Variants in ANKRD13B observed in about 807,000 individuals in gnomAD.
ANKRD13B encodes the protein ankyrin repeat domain-containing protein 13B.
In ANKRD13B, 33 loss-of-function variants were observed where a neutral mutation model predicts 74.4. The observed-to-expected ratio is 0.44, with a 90% CI of 0.34 to 0.59. The LOEUF is 0.59. Among genes scored for constraint, ANKRD13B ranks in the 20% least tolerant of loss-of-function variants. The pLI, the probability that ANKRD13B is intolerant of heterozygous loss-of-function variation, is 0.02. For synonymous variants in ANKRD13B, 341 were observed against 362.9 expected (o/e 0.94, Z 0.68); for missense variants, 676 against 877.9 (o/e 0.77, Z 2.91).
chr17:29,597,616 TAGCTAGAGGCCTCTGCTGAGGAGA>T (rs1423905034), intron 1 of ANKRD13B, among the ~76,000 whole-genome samples: 1 of 152,136 alleles, frequency 6.6e-6, no homozygotes, highest in African/African-American at 2.4e-5. Flanking sequence ...AGCAATTAAA[TAGCTAGAGGCCTCTGCTGAGGAGA>T]AGCTGGAGGC....
rs1218150428 is a variant in ANKRD13B at position 29,609,544 on chromosome 17, C to T, written c.822+123C>T. 8.4e-7 allele frequency: 1 copy of T among 1,195,062 alleles called. No homozygotes were observed. Among genetic ancestry groups the T allele is most frequent in the African/African-American group, 1.5e-5 (1 of 65,510 alleles). 74.0% of individuals were successfully genotyped at this position (1,195,062 alleles called of 1,614,324 possible). A position where few individuals can be genotyped will look rare whatever the true frequency, so the allele number is the denominator to read the frequency against. Reference sequence around the variant, plus strand: ...AGAAGCAATGCAGCGTGGTCAAGCACTTATATTTGGGTTCAAGGCACTTCT... The same window carrying T: ...AGAAGCAATGCAGCGTGGTCAAGCATTTATATTTGGGTTCAAGGCACTTCT... On this transcript the variant is annotated intron_variant, in intron 7 of 14. Coordinates refer to ENST00000394859, the MANE Select transcript of ANKRD13B (RefSeq NM_152345.5). This position sits in a 1 kb window ranked among gnomAD's most constrained non-coding sequence, Gnocchi z 4.0.
chr17:29,612,307 G>C lies in ANKRD13B; in HGVS notation c.1258+34G>C. 6.2e-7 allele frequency: 1 copy of C among 1,612,812 alleles called. No individual in the cohort carries two copies. Among genetic ancestry groups the C allele is most frequent in the Non-Finnish European group, 8.5e-7 (1 of 1,179,090 alleles). On this transcript the variant is annotated intron_variant, in intron 11 of 14. Transcript: ENST00000394859. This position sits in a 1 kb window ranked among gnomAD's most constrained non-coding sequence, Gnocchi z 6.1. Reference sequence around the variant, plus strand: ...GCACGGCCATTTCTCCTGAGCCCGTGGCGGGCCGACCGGGGTTTAGATGAG... The same window carrying C: ...GCACGGCCATTTCTCCTGAGCCCGTCGCGGGCCGACCGGGGTTTAGATGAG...
In ANKRD13B at chr17:29,612,619, C is replaced by T; in HGVS notation, c.1412-33C>T. 2 of 1,519,262 alleles carry T rather than the reference C, an allele frequency of 1.3e-6. No homozygotes were observed. Among genetic ancestry groups the T allele is most frequent in the East Asian group, 2.4e-5 (1 of 40,912 alleles). 94.1% of individuals were successfully genotyped at this position (1,519,262 alleles called of 1,614,324 possible). ...CCGGGGTGGGTGGGAGGGGCGCGCC[C>T]GGCCGTGCCTGACCCAGCCCCCGCG... On this transcript the variant is annotated intron_variant, in intron 12 of 14. Coordinates refer to ENST00000394859, the MANE Select transcript of ANKRD13B (RefSeq NM_152345.5). The surrounding 1 kb of genome is among the most constrained non-coding windows in gnomAD (Gnocchi z 6.1).
intron 1 of ANKRD13B, among the ~76,000 whole-genome samples, chr17:29,598,078 TC>T (rs1457582807): frequency 6.6e-6 from 1 of 151,796 alleles, no homozygotes; most frequent in East Asian, 1.9e-4. Flanking sequence ...CCTCTCCCAC[TC>T]CCGCTGCCGG....
intron 1 of ANKRD13B, among the ~76,000 whole-genome samples, chr17:29,600,161 C>T (rs1032319662): frequency 1.3e-5 from 2 of 152,196 alleles, no homozygotes; most frequent in African/African-American, 4.8e-5. Flanking sequence ...CAGGCGTGAG[C>T]CACTGCACCC....
At chr17:29,594,716 C>G (rs2033891881) in intron 1 of ANKRD13B, among the ~76,000 whole-genome samples, 1 of 152,198 alleles carries the variant, frequency 6.6e-6, no homozygotes, top group African/African-American at 2.4e-5. Flanking sequence ...GCTGAGAACC[C>G]CAGTTTTGGA....
chr17:29,605,935 G>C (rs529945472), intron 1 of ANKRD13B, among the ~76,000 whole-genome samples: 2 of 150,840 alleles, frequency 1.3e-5, no homozygotes, highest in African/African-American at 4.9e-5. Flanking sequence ...TTTTTGAGAC[G>C]GAGTTTTGCT....
chr17:29,605,973 C>T (rs575905163), intron 1 of ANKRD13B, among the ~76,000 whole-genome samples: 1 of 151,782 alleles, frequency 6.6e-6, no homozygotes, highest in African/African-American at 2.4e-5. Flanking sequence ...AGTGCAGTGG[C>T]ATGATCTCGG....
At chr17:29,606,728 TAAAAAAAAAAAAAAA>T (rs370548766) in intron 1 of ANKRD13B, among the ~76,000 whole-genome samples, 5 of 62,974 alleles carry the variant, frequency 7.9e-5, no homozygotes, top group Admixed American at 2.2e-4. Context: ...CTGTCTCAAG[TAAAAAAAAAAAAAAA>T]AAAAAAAAAA....
chr17:29,596,477 C>T (rs755304230), intron 1 of ANKRD13B, among the ~76,000 whole-genome samples: 2 of 152,220 alleles, frequency 1.3e-5, no homozygotes, highest in South Asian at 2.1e-4. Flanking sequence ...GTTCTGGAGT[C>T]GTGAGTTCCT....
intron 7 of ANKRD13B, 92 bp from the exon 8 acceptor site, chr17:29,610,593 C>T: frequency 1.7e-6 from 2 of 1,153,810 alleles, no homozygotes; most frequent in South Asian, 3.1e-5. Context: ...CTCCAGGACC[C>T]TTTGCTACAG....
chr17:29,600,899 G>C (rs1257026394), intron 1 of ANKRD13B, among the ~76,000 whole-genome samples: 1 of 148,692 alleles, frequency 6.7e-6, no homozygotes, highest in Admixed American at 6.7e-5. Flanking sequence ...CTTTATTCTT[G>C]TGGGTTTTAA....
In ANKRD13B at chr17:29,609,330, C is replaced by G. The variant is rs1184834094; in HGVS notation, c.756-25C>G. ...AGCCAGCCCGGTGGGGTGCCTGCCT[C>G]ACCTGGACCACTCTGCTTCCCCAGG... is the stretch of plus-strand genomic sequence containing the variant. On this transcript the variant is annotated intron_variant, in intron 6 of 14. Transcript: ENST00000394859. This position sits in a 1 kb window ranked among gnomAD's most constrained non-coding sequence, Gnocchi z 4.0. 1 of 1,613,406 alleles carries G rather than the reference C, an allele frequency of 6.2e-7. No individual in the cohort carries two copies. Among genetic ancestry groups the G allele is most frequent in the South Asian group, 1.1e-5 (1 of 91,046 alleles).
Position 29,613,035 on chromosome 17 carries a change from AGAACCCGCGGGGCCC to A in ANKRD13B, c.1652+73_1652+87del, listed in dbSNP as rs549661373. 612 of 1,538,494 alleles carry A rather than the reference AGAACCCGCGGGGCCC, an allele frequency of 4.0e-4. 9 individuals carry two copies. The East Asian group carries it at 0.015, about 37-fold the overall frequency. On this transcript the variant is annotated intron_variant, in intron 14 of 14. Coordinates refer to ENST00000394859, the MANE Select transcript of ANKRD13B (RefSeq NM_152345.5). ...CTCCCCTAAGCCAGGACACAGCCGGAGAACCCGCGGGGCCCTCGGCAGGGACCCTCCTGGTATCGG... is the reference window on the plus strand; with the variant it reads ...CTCCCCTAAGCCAGGACACAGCCGGATCGGCAGGGACCCTCCTGGTATCGG...
In ANKRD13B at chr17:29,608,785, C is replaced by G. The variant is rs912451654; in HGVS notation, c.422-66C>G. ...GCCACACGGATCCCAAACCCCATGCCCTGAGCTGGTCCAGGCCGTGTAGGC... is the reference window on the plus strand; with the variant it reads ...GCCACACGGATCCCAAACCCCATGCGCTGAGCTGGTCCAGGCCGTGTAGGC... On this transcript the variant is annotated intron_variant, in intron 4 of 14. Transcript: ENST00000394859. The surrounding 1 kb of genome is among the most constrained non-coding windows in gnomAD (Gnocchi z 6.4). 7.5e-6 allele frequency: 12 copies of G among 1,598,606 alleles called. No individual in the cohort carries two copies. The highest frequency in any genetic ancestry group is 9.4e-6 in the Non-Finnish European group (11 of 1,170,672).
intron 1 of ANKRD13B, among the ~76,000 whole-genome samples, chr17:29,594,747 C>T (rs1426946813): frequency 2.0e-5 from 3 of 152,176 alleles, no homozygotes; most frequent in African/African-American, 7.2e-5. Context: ...GACCTTGGGG[C>T]CATGGGCTGG....
At position 29,593,391 on chromosome 17, in the gene ANKRD13B, T is replaced by TG. The variant is rs1310157703; in HGVS notation, c.-226dup. 1 of 145,736 alleles carries TG rather than the reference T, an allele frequency of 6.9e-6. No homozygotes were observed. The highest frequency in any genetic ancestry group is 1.9e-4 in the South Asian group (1 of 5,390). 9.0% of individuals were successfully genotyped at this position (145,736 alleles called of 1,614,324 possible). On this transcript the variant is annotated 5_prime_UTR_variant, in exon 1 of 15. It introduces an in-frame stop codon into an upstream open reading frame of the 5' UTR. Transcript: ENST00000394859. Reference sequence around the variant, plus strand: ...AGTGCCCGCTCCCTCCCAGGGCGGGTGGGGGCCTCTCCGCGCCGCCCGCCG... The same window carrying TG: ...AGTGCCCGCTCCCTCCCAGGGCGGGTGGGGGGCCTCTCCGCGCCGCCCGCCG...
At chr17:29,603,399 C>T (rs1055399029) in intron 1 of ANKRD13B, among the ~76,000 whole-genome samples, 6 of 152,112 alleles carry the variant, frequency 3.9e-5, no homozygotes, top group African/African-American at 1.4e-4. Context: ...TGCCACCATG[C>T]CCAGCTAATG....
At chr17:29,606,162 C>A (rs966128269) in intron 1 of ANKRD13B, among the ~76,000 whole-genome samples, 1 of 150,660 alleles carries the variant, frequency 6.6e-6, no homozygotes, top group East Asian at 2.0e-4. Context: ...CTACCCGCCT[C>A]GGCCTCCCAA....
Sources: gnomAD v4.1 joint callset for allele counts (sites outside exome capture counted in the v4.1 genomes callset) on GRCh38, gnomAD v4.1.1 for gene constraint, Gnocchi (gnomAD v3.1) non-coding constraint, MANE v1.5 for transcripts, NCBI Gene and HGNC (gene_info 2026-07-23, HGNC 2026-07-21) for gene names.